The following TBC1D1 variants were observed in gnomAD, a reference collection of about 807,000 sequenced individuals.
The protein encoded by TBC1D1 is TBC1 (tre-2/USP6, BUB2, cdc16) domain family, member 1.
A neutral mutation model predicts 125.6 loss-of-function variants in TBC1D1; 89 were observed. The ratio of observed to expected loss-of-function variants is 0.71; its 90% CI spans 0.60 to 0.85. TBC1D1 has a LOEUF of 0.85. Among genes scored for constraint, TBC1D1 ranks in the 40% least tolerant of loss-of-function variants. The pLI, the probability that TBC1D1 is intolerant of heterozygous loss-of-function variation, is 0.00. For synonymous variants in TBC1D1, 565 were observed against 564.1 expected, an observed-to-expected ratio of 1.00 and a Z score of -0.02; for missense variants, 1,377 against 1,469.2, an observed-to-expected ratio of 0.94 and a Z score of 1.03.
At chr4:37,992,493 GTTTT>G (rs1006353203) in intron 2 of TBC1D1, among the ~76,000 whole-genome samples, 3 of 125,520 alleles carry the variant, frequency 2.4e-5, no homozygotes, top group Non-Finnish European at 3.3e-5. Context: ...GAAGTCTGGT[GTTTT>G]TTTTTTTTTT....
At chr4:38,058,503 C>T (rs1440020888) in intron 12 of TBC1D1, among the ~76,000 whole-genome samples, 1 of 152,228 alleles carries the variant, frequency 6.6e-6, no homozygotes, top group Non-Finnish European at 1.5e-5. Context: ...TCACTGCATT[C>T]CCACTCTGAC....
intron 13 of TBC1D1, 117 bp downstream of exon 15, chr4:38,090,234 C>T: frequency 2.1e-6 from 2 of 932,740 alleles, no homozygotes; most frequent in Non-Finnish European, 3.3e-6. Context: ...CTAATGTATA[C>T]ATCTATCTAT....
At chr4:38,060,340 C>T (rs1393582020) in intron 12 of TBC1D1, among the ~76,000 whole-genome samples, 1 of 152,168 alleles carries the variant, frequency 6.6e-6, no homozygotes, top group African/African-American at 2.4e-5. Context: ...ACATTCTCAC[C>T]AACAGTGTAA....
chr4:38,092,547 G>A (rs1052636289), intron 13 of TBC1D1, among the ~76,000 whole-genome samples: 1 of 151,844 alleles, frequency 6.6e-6, no homozygotes, highest in Non-Finnish European at 1.5e-5. Flanking sequence ...CCTGGCCAAT[G>A]TGGTGAAACC....
intron 2 of TBC1D1, among the ~76,000 whole-genome samples, chr4:37,913,327 G>A (rs960814272): frequency 3.3e-5 from 5 of 152,082 alleles, no homozygotes; most frequent in African/African-American, 7.2e-5. Context: ...GGCTGGGCAC[G>A]GTGGCTCAGG....
rs1428581573 is a variant in TBC1D1 at position 38,044,398 on chromosome 4, T to A, written c.1450T>A (p.Leu484Ile). 1 of 1,611,234 alleles carries A rather than the reference T, an allele frequency of 6.2e-7. No individual in the cohort carries two copies. Among genetic ancestry groups the A allele is most frequent in the Non-Finnish European group, 8.5e-7 (1 of 1,179,436 alleles). Residue 484 changes from leucine (L) to isoleucine (I), a missense_variant, in exon 9 of 20, where the codon TTA becomes ATA. Leu to Ile is a conservative substitution (Grantham distance 5). Coordinates refer to ENST00000261439, the MANE Select transcript of TBC1D1 (RefSeq NM_015173.4). ...GGCAGCAGAGAATATTGGAAGTGAA[T>A]TACCACCCAGTGCCACTCGATTTAG...
intron 17 of TBC1D1, among the ~76,000 whole-genome samples, chr4:38,119,091 T>C (rs1312486039): frequency 6.6e-6 from 1 of 152,188 alleles, no homozygotes; most frequent in Non-Finnish European, 1.5e-5. Flanking sequence ...ATGATAGTTA[T>C]TATATATCAA....
chr4:37,904,221 A>ATT (rs879769656), intron 2 of TBC1D1, among the ~76,000 whole-genome samples: 2,827 of 152,366 alleles, frequency 0.019, 89 homozygotes, highest in African/African-American at 0.065. Context: ...AGAAAATTTT[A>ATT]CTAGAGGCAG....
intron 13 of TBC1D1, 84 bp from the exon 16 acceptor site, chr4:38,095,845 G>T: frequency 1.4e-6 from 2 of 1,403,198 alleles, no homozygotes; most frequent in South Asian, 1.5e-5. Context: ...GTCTCAGCGG[G>T]ATAACAAGTA....
chr4:38,115,451 T>C (rs1022888022), intron 15 of TBC1D1, among the ~76,000 whole-genome samples: 2 of 152,208 alleles, frequency 1.3e-5, no homozygotes, highest in African/African-American at 4.8e-5. Context: ...GGACCGAAGG[T>C]AGTTCTGATT....
Position 38,014,594 on chromosome 4 carries a change from C to G in TBC1D1, c.503C>G (p.Thr168Arg), listed in dbSNP as rs1262237439. ...CACTGCCCGTCCGAGTTCGACGACA[C>G]GTTTTCCAAGAAGTTCGAGGTGCTC... Residue 168 changes from threonine to arginine, a missense_variant, in exon 3 of 20, where the codon ACG (threonine) becomes AGG (arginine). Physicochemically the swap from Thr to Arg is moderately conservative, Grantham distance 71. Transcript: ENST00000261439. This position sits in a 1 kb window ranked among gnomAD's most constrained non-coding sequence, Gnocchi z 5.1. 2 of 1,613,424 alleles carry G rather than the reference C, an allele frequency of 1.2e-6. No homozygotes were observed. The highest frequency in any genetic ancestry group is 1.7e-6 in the Non-Finnish European group (2 of 1,180,034).
chr4:38,059,733 T>C (rs1752421800), intron 12 of TBC1D1, among the ~76,000 whole-genome samples: 1 of 152,210 alleles, frequency 6.6e-6, no homozygotes, highest in Non-Finnish European at 1.5e-5. Context: ...TTAATTTTTA[T>C]TTTTAGTTCC....
chr4:38,081,463 C>T (rs946305249), intron 12 of TBC1D1, among the ~76,000 whole-genome samples: 2 of 152,034 alleles, frequency 1.3e-5, no homozygotes, highest in African/African-American at 2.4e-5. Context: ...CCTATTGTTG[C>T]GAGGAGCCCC....
At chr4:37,940,901 T>C (rs1416878361) in intron 2 of TBC1D1, among the ~76,000 whole-genome samples, 2 of 152,220 alleles carry the variant, frequency 1.3e-5, no homozygotes, top group Non-Finnish European at 2.9e-5. Flanking sequence ...ATAAGCTTTT[T>C]GATGTGCGGC....
rs767630228 is a variant in TBC1D1, at chr4:38,133,294, A to G, written c.3306+37A>G. 1.1e-5 allele frequency: 18 copies of G among 1,586,470 alleles called. No homozygotes were observed. The South Asian group carries it at 1.9e-4, about 17-fold the overall frequency. Reference sequence around the variant, plus strand: ...TTATAAAGCAGCTTCCTGAATCACAAATATATGGTAGTTCATTAACTCACC... The same window carrying G: ...TTATAAAGCAGCTTCCTGAATCACAGATATATGGTAGTTCATTAACTCACC... On this transcript the variant is annotated intron_variant, in intron 19 of 19. Transcript: ENST00000261439.
chr4:38,002,161 C>T (rs746771041), intron 2 of TBC1D1, among the ~76,000 whole-genome samples: 26 of 152,022 alleles, frequency 1.7e-4, no homozygotes, highest in Non-Finnish European at 3.4e-4. Flanking sequence ...AAGACTAATC[C>T]CATATAGTCA....
At chr4:37,927,483 G>C (rs1722367369) in intron 2 of TBC1D1, among the ~76,000 whole-genome samples, 1 of 152,106 alleles carries the variant, frequency 6.6e-6, no homozygotes, top group Non-Finnish European at 1.5e-5. Context: ...TCTTTGGTCT[G>C]GGGAGCCAAG....
chr4:38,115,816 A>G lies in TBC1D1; in HGVS notation c.2664A>G (p.Gly888=). 6.2e-7 allele frequency: 1 copy of G among 1,614,206 alleles called. No individual in the cohort carries two copies. Among genetic ancestry groups the G allele is most frequent in the Non-Finnish European group, 8.5e-7 (1 of 1,180,036 alleles). The change falls in exon 16 of 20, where the codon GGA becomes GGG. Residue 888 remains glycine (G), a synonymous_variant. Coordinates refer to ENST00000261439, the MANE Select transcript of TBC1D1 (RefSeq NM_015173.4). Reference sequence around the variant, plus strand: ...ACTCACTTCTAGACCAGGAAGTGGGATATTGCCAAGGTCTCAGCTTTGTAG... The same window carrying G: ...ACTCACTTCTAGACCAGGAAGTGGGGTATTGCCAAGGTCTCAGCTTTGTAG...
intron 2 of TBC1D1, among the ~76,000 whole-genome samples, chr4:38,000,663 G>C (rs1464416899): frequency 6.6e-6 from 1 of 152,170 alleles, no homozygotes; most frequent in Admixed American, 6.5e-5. Context: ...ATGTGTCAGA[G>C]TTTTCCCCAC....
Sources: allele counts gnomAD v4.1 joint callset (sites outside exome capture counted in the v4.1 genomes callset), GRCh38; gene constraint gnomAD v4.1.1; non-coding constraint Gnocchi (gnomAD v3.1); transcripts MANE v1.5; gene names NCBI Gene and HGNC (gene_info 2026-07-23, HGNC 2026-07-21).